N4BP2L1: variants seen among roughly 807,000 people sequenced by gnomAD.
N4BP2L1 encodes NEDD4-binding protein 2-like 1.
Under a neutral mutation model 21.2 loss-of-function variants are expected in N4BP2L1, and 12 were observed. The ratio of observed to expected loss-of-function variants is 0.57; its 90% confidence interval spans 0.36 to 0.92. N4BP2L1 has a LOEUF of 0.92. Ranked by LOEUF, N4BP2L1 falls within the 40% of genes least tolerant of loss-of-function variation. N4BP2L1 has a pLI of 0.01. For missense variants in N4BP2L1, 259 were observed against 310.6 expected (o/e 0.83, Z 1.25); for synonymous variants, 104 against 112.8 (o/e 0.92, Z 0.49).
chr13:32,404,397 C>A lies in N4BP2L1; in HGVS notation c.397G>T (p.Ala133Ser). ...AWEMKPYAVM[A>S]LENNYEVIFR... ...ATAACTTCATAGTTATTTTCAAGTG[C>A]CTGATTTTTCAAAAGTACATAAAAC... is the stretch of plus-strand genomic sequence containing the variant. Residue 133 changes from alanine to serine, a missense_variant and splice_region_variant, in exon 4 of 5, where the codon GCA becomes TCA. Transcript: ENST00000380130. The A allele has an allele frequency of 1.2e-6, 2 of 1,608,688 alleles. No individual in the cohort carries two copies. Among genetic ancestry groups the A allele is most frequent in the Non-Finnish European group, 1.7e-6 (2 of 1,176,844 alleles).
At chr13:32,420,114 A>C (rs1399691213) in intron 1 of N4BP2L1, among the ~76,000 whole-genome samples, 1 of 152,232 alleles carries the variant, frequency 6.6e-6, no homozygotes, top group African/African-American at 2.4e-5. Context: ...AACAGTTCCC[A>C]GTCTGCCCTA....
At chr13:32,412,641 CAAAAAA>C (rs777196869) in intron 1 of N4BP2L1, among the ~76,000 whole-genome samples, 3 of 101,040 alleles carry the variant, frequency 3.0e-5, no homozygotes, top group Non-Finnish European at 6.1e-5. Flanking sequence ...TCAACTGTCT[CAAAAAA>C]AAAAAAAAAA....
At position 32,401,274 on chromosome 13, in the gene N4BP2L1, A is replaced by G. The variant is rs1428992832; in HGVS notation, c.*1668T>C. On this transcript the variant is annotated 3_prime_UTR_variant, in exon 5 of 5. Transcript: ENST00000380130. The stretch of plus-strand genomic sequence containing the variant: ...CACCACCCTATCAACCAAGATACCC[A>G]GGACTACCTGGGCCTGGAAAATGGG... 1 of 152,182 alleles carries G rather than the reference A, an allele frequency of 6.6e-6. No homozygotes were observed. The highest frequency in any genetic ancestry group is 1.9e-4 in the East Asian group (1 of 5,200). The allele number at this position is 152,182 out of a possible 1,614,324, so 9.4% of individuals were successfully genotyped here.
chr13:32,404,119 GC>G, intron 4 of N4BP2L1: 3 of 1,576,066 alleles, frequency 1.9e-6, no homozygotes, highest in Non-Finnish European at 1.7e-6. Flanking sequence ...CCAAGATTTA[GC>G]ATTTAGCATT....
chr13:32,405,187 GA>G (rs2073397712), intron 3 of N4BP2L1, among the ~76,000 whole-genome samples: 1 of 152,154 alleles, frequency 6.6e-6, no homozygotes, highest in Admixed American at 6.5e-5. Context: ...GAGGATGGCT[GA>G]AAAAGATTAT....
At chr13:32,427,856 T>G in intron 1 of N4BP2L1, 48 bp downstream of exon 1, 2 of 1,250,480 alleles carry the variant, frequency 1.6e-6, no homozygotes, top group Non-Finnish European at 1.0e-6. Context: ...GGCCGGGGCG[T>G]TTGGTGGCCC....
chr13:32,426,509 C>T (rs2074773155), intron 1 of N4BP2L1, among the ~76,000 whole-genome samples: 1 of 152,146 alleles, frequency 6.6e-6, no homozygotes, highest in Admixed American at 6.5e-5. Context: ...TCACATGTCC[C>T]TGCAATTTGT....
At chr13:32,428,644 T>TA (rs1204327471), upstream of N4BP2L1, among the ~76,000 whole-genome samples, 2 of 152,250 alleles carry the variant, frequency 1.3e-5, no homozygotes, top group Non-Finnish European at 2.9e-5. Context: ...CATCTTTCTT[T>TA]AGCAGCCTGC....
intron 1 of N4BP2L1, among the ~76,000 whole-genome samples, chr13:32,421,640 C>G (rs1424944361): frequency 6.6e-6 from 1 of 152,148 alleles, no homozygotes; most frequent in African/African-American, 2.4e-5. Flanking sequence ...AAGGGCCGGG[C>G]AGACAGTCAG....
intron 1 of N4BP2L1, among the ~76,000 whole-genome samples, chr13:32,413,686 C>G (rs1049550635): frequency 6.6e-6 from 1 of 152,094 alleles, no homozygotes; most frequent in South Asian, 2.1e-4. Context: ...ATCTTTACAT[C>G]TATTTCTCTG....
chr13:32,427,008 G>A (rs2074802645), intron 1 of N4BP2L1, among the ~76,000 whole-genome samples: 1 of 152,182 alleles, frequency 6.6e-6, no homozygotes. Context: ...GTTTACAGGA[G>A]ATAAAAACAG....
chr13:32,402,420 T>C lies in N4BP2L1; in HGVS notation c.*522A>G. ...CCTTAGATGTATGCTTTCTGGCATA[T>C]TAACATTAAAGGAAAATCAGTATCA... is the stretch of plus-strand genomic sequence containing the variant. On this transcript the variant is annotated 3_prime_UTR_variant, in exon 5 of 5. Transcript: ENST00000380130. The C allele has an allele frequency of 1.1e-6, 1 of 894,214 alleles. No homozygotes were observed. Among genetic ancestry groups the C allele is most frequent in the Non-Finnish European group, 1.3e-6 (1 of 747,122 alleles). The allele number at this position is 894,214 out of a possible 1,614,324, so 55.4% of individuals were successfully genotyped here. A position where few individuals can be genotyped will look rare whatever the true frequency, so the allele number is the denominator to read the frequency against.
chr13:32,412,257 C>T (rs2073897963), intron 1 of N4BP2L1, among the ~76,000 whole-genome samples: 1 of 152,146 alleles, frequency 6.6e-6, no homozygotes, highest in South Asian at 2.1e-4. Flanking sequence ...GCTTACCCTT[C>T]ATCTATGGTC....
intron 3 of N4BP2L1, among the ~76,000 whole-genome samples, chr13:32,404,786 T>C (rs935181742): frequency 6.6e-6 from 1 of 151,878 alleles, no homozygotes; most frequent in African/African-American, 2.4e-5. Context: ...TCCTCATGCC[T>C]TCCTTTAGAA....
In N4BP2L1 at chr13:32,402,528, C is replaced by A; in HGVS notation, c.*414G>T. ...TTTGATAAGTAGCAATGCCCCCCCA[C>A]CACTTCTCTCCACCTTCCCAACTTT... On this transcript the variant is annotated 3_prime_UTR_variant, in exon 5 of 5. Coordinates refer to ENST00000380130, the MANE Select transcript of N4BP2L1 (RefSeq NM_052818.3). The A allele has an allele frequency of 1.8e-6, 1 of 541,700 alleles. No homozygotes were observed. Among genetic ancestry groups the A allele is most frequent in the Non-Finnish European group, 2.3e-6 (1 of 442,598 alleles). The allele number at this position is 541,700 out of a possible 1,614,324, so 33.6% of individuals were successfully genotyped here.
chr13:32,405,697 G>C (rs1165172866), intron 3 of N4BP2L1, among the ~76,000 whole-genome samples: 2 of 152,044 alleles, frequency 1.3e-5, no homozygotes, highest in African/African-American at 4.8e-5. Context: ...ATTCACCAAA[G>C]CCCCACAATC....
At chr13:32,415,293 G>C (rs1407086305) in intron 1 of N4BP2L1, among the ~76,000 whole-genome samples, 1 of 152,114 alleles carries the variant, frequency 6.6e-6, no homozygotes, top group African/African-American at 2.4e-5. Context: ...TTTTATAGTT[G>C]GGCACACTGC....
intron 4 of N4BP2L1, chr13:32,404,071 GAATGTTA>G: frequency 8.0e-7 from 1 of 1,253,914 alleles, no homozygotes; most frequent in Non-Finnish European, 1.1e-6. Flanking sequence ...CATTTTAGCA[GAATGTTA>G]AATGCATCCT....
At chr13:32,417,964 C>T (rs1173036873) in intron 1 of N4BP2L1, among the ~76,000 whole-genome samples, 1 of 152,134 alleles carries the variant, frequency 6.6e-6, no homozygotes, top group Admixed American at 6.5e-5. Context: ...AAGCAGAGCA[C>T]AAAAGTTTGG....
Sources: gnomAD v4.1 joint callset for allele counts (sites outside exome capture counted in the v4.1 genomes callset) on GRCh38, gnomAD v4.1.1 for gene constraint, MANE v1.5 for transcripts, NCBI Gene and HGNC (gene_info 2026-07-23, HGNC 2026-07-21) for gene names.